Variants in CACHD1 observed in about 807,000 individuals in gnomAD.
CACHD1 encodes cache domain containing 1.
Under a neutral mutation model 138.7 loss-of-function variants are expected in CACHD1, and 71 were observed. That is an observed-to-expected ratio of 0.51 (90% CI 0.42 to 0.62). The LOEUF is 0.62. CACHD1 is among the 20% of genes least tolerant of loss of function. The probability of loss-of-function intolerance (pLI) is 0.00; values close to 1 mark genes in which losing one functional copy is unlikely to be tolerated. For missense variants in CACHD1, 1,389 were observed against 1,625.3 expected, an observed-to-expected ratio of 0.85 and a Z score of 2.50; for synonymous variants, 578 against 591.5, an observed-to-expected ratio of 0.98 and a Z score of 0.33.
At chr1:64,645,005 A>G (rs1474894630) in intron 8 of CACHD1, among the ~76,000 whole-genome samples, 3 of 152,166 alleles carry the variant, frequency 2.0e-5, no homozygotes, top group African/African-American at 4.8e-5. Flanking sequence ...GCTGAGGCAC[A>G]AGAATCGCTT....
chr1:64,676,464 T>C (rs997336938), intron 21 of CACHD1, among the ~76,000 whole-genome samples: 5 of 152,166 alleles, frequency 3.3e-5, no homozygotes, highest in Admixed American at 3.3e-4. Context: ...TGTGTTTGTA[T>C]TGTGTGTGTA....
intron 1 of CACHD1, among the ~76,000 whole-genome samples, chr1:64,495,983 T>C (rs1422432313): frequency 6.6e-6 from 1 of 152,210 alleles, no homozygotes; most frequent in Non-Finnish European, 1.5e-5. Flanking sequence ...TTATAATATA[T>C]TTGATTAGCT....
At chr1:64,643,060 A>AAAAAAG (rs1648777761) in intron 8 of CACHD1, among the ~76,000 whole-genome samples, 1 of 143,628 alleles carries the variant, frequency 7.0e-6, no homozygotes, top group African/African-American at 2.7e-5. Context: ...AAAAAAAAAA[A>AAAAAAG]AAAAAAAAAA....
chr1:64,636,102 T>C (rs1256331942), intron 7 of CACHD1, among the ~76,000 whole-genome samples: 1 of 109,712 alleles, frequency 9.1e-6, no homozygotes, highest in Non-Finnish European at 2.1e-5. Context: ...GGAGCGAGAC[T>C]CAGTCTCAAA....
chr1:64,632,533 G>T (rs1648346704), intron 5 of CACHD1, 66 bp from the exon 6 acceptor site: 2 of 1,554,064 alleles, frequency 1.3e-6, no homozygotes, highest in East Asian at 2.2e-5. Context: ...AGTGTTCACA[G>T]CTGTGTTAAG....
chr1:64,615,547 C>A (rs1307136005), intron 4 of CACHD1, among the ~76,000 whole-genome samples: 1 of 152,174 alleles, frequency 6.6e-6, no homozygotes, highest in Non-Finnish European at 1.5e-5. Context: ...AGTGCCCAAT[C>A]CAGTGCCTTG....
chr1:64,583,868 G>A (rs1327699582), intron 3 of CACHD1, among the ~76,000 whole-genome samples: 2 of 152,116 alleles, frequency 1.3e-5, no homozygotes, highest in Non-Finnish European at 1.5e-5. Context: ...CCCACCCACC[G>A]ATTCAATCAT....
At chr1:64,609,995 G>A (rs1269305131) in intron 4 of CACHD1, among the ~76,000 whole-genome samples, 1 of 152,098 alleles carries the variant, frequency 6.6e-6, no homozygotes, top group Non-Finnish European at 1.5e-5. Context: ...GACTGAAGGG[G>A]AAGCAAACAT....
chr1:64,481,746 G>A (rs775891914), intron 1 of CACHD1, among the ~76,000 whole-genome samples: 4 of 152,162 alleles, frequency 2.6e-5, no homozygotes, highest in Non-Finnish European at 5.9e-5. Flanking sequence ...ACTGAGTCTA[G>A]TATATGGTGG....
chr1:64,531,745 C>G (rs1428017242), intron 1 of CACHD1, among the ~76,000 whole-genome samples: 2 of 152,206 alleles, frequency 1.3e-5, no homozygotes, highest in African/African-American at 4.8e-5. Context: ...GAAGCGTTTG[C>G]TATACCAGCA....
intron 4 of CACHD1, among the ~76,000 whole-genome samples, chr1:64,625,130 A>G (rs1161223860): frequency 6.6e-6 from 1 of 152,252 alleles, no homozygotes; most frequent in African/African-American, 2.4e-5. Flanking sequence ...GAAAGTTTCT[A>G]TACAGAGATC....
intron 1 of CACHD1, among the ~76,000 whole-genome samples, chr1:64,519,000 A>G (rs2100368281): frequency 6.6e-6 from 1 of 152,286 alleles, no homozygotes; most frequent in Non-Finnish European, 1.5e-5. Context: ...TGTCCCTCAC[A>G]ATACCTTGAA....
At chr1:64,516,093 G>A (rs1440108879) in intron 1 of CACHD1, among the ~76,000 whole-genome samples, 2 of 152,100 alleles carry the variant, frequency 1.3e-5, no homozygotes, top group East Asian at 3.9e-4. Flanking sequence ...TTGATAAGTA[G>A]CACATAAACT....
intron 4 of CACHD1, 72 bp from the exon 5 acceptor site, chr1:64,629,283 G>A (rs1648218398): frequency 6.6e-7 from 1 of 1,524,394 alleles, no homozygotes; most frequent in African/African-American, 1.4e-5. Context: ...ATGCAAAACA[G>A]ATGCCTGAGG....
chr1:64,511,103 T>C (rs1292004670), intron 1 of CACHD1, among the ~76,000 whole-genome samples: 1 of 152,234 alleles, frequency 6.6e-6, no homozygotes, highest in Non-Finnish European at 1.5e-5. Context: ...GTACCTAAGA[T>C]CTCTACAGGT....
chr1:64,634,770 G>A (rs1262619721), intron 7 of CACHD1, among the ~76,000 whole-genome samples: 3 of 151,974 alleles, frequency 2.0e-5, no homozygotes, highest in Non-Finnish European at 2.9e-5. Flanking sequence ...CAAGGCAGGC[G>A]GATCACAAGG....
At chr1:64,683,669 T>G (rs1037286562) in intron 26 of CACHD1, among the ~76,000 whole-genome samples, 29 of 152,196 alleles carry the variant, frequency 1.9e-4, no homozygotes, top group African/African-American at 6.0e-4. Flanking sequence ...CTTTCATTTT[T>G]CTCCATAATT....
chr1:64,509,253 C>T (rs1043464423), intron 1 of CACHD1, among the ~76,000 whole-genome samples: 1 of 152,160 alleles, frequency 6.6e-6, no homozygotes, highest in African/African-American at 2.4e-5. Flanking sequence ...ATCTTTCATG[C>T]CTGTGTTACC....
intron 3 of CACHD1, among the ~76,000 whole-genome samples, chr1:64,587,275 C>T (rs1339026480): frequency 1.3e-5 from 2 of 151,982 alleles, no homozygotes; most frequent in Non-Finnish European, 2.9e-5. Flanking sequence ...TTGTCTCAGG[C>T]CTAACTTTTC....
Sources: gnomAD v4.1 joint callset for allele counts (sites outside exome capture counted in the v4.1 genomes callset) on GRCh38, gnomAD v4.1.1 for gene constraint, MANE v1.5 for transcripts, NCBI Gene and HGNC (gene_info 2026-07-23, HGNC 2026-07-21) for gene names.